The following BAZ2B variants were observed in gnomAD, a reference collection of about 807,000 sequenced individuals.
The protein encoded by BAZ2B is bromodomain adjacent to zinc finger domain 2B.
BAZ2B carries 91 observed loss-of-function variants against 246.0 expected under a neutral mutation model. The observed-to-expected ratio is 0.37, with a 90% CI of 0.31 to 0.44. The LOEUF (loss-of-function observed/expected upper bound fraction) is 0.44. Among genes scored for constraint, BAZ2B ranks in the 20% least tolerant of loss-of-function variants. The pLI, the probability that BAZ2B is intolerant of heterozygous loss-of-function variation, is 1.00. For synonymous variants in BAZ2B, 855 were observed against 860.0 expected (o/e 0.99, Z 0.10); for missense variants, 2,332 against 2,533.7 (o/e 0.92, Z 1.71).
chr2:159,400,858 G>A (rs1439146848), intron 16 of BAZ2B, among the ~76,000 whole-genome samples, 194 bp from the exon 17 acceptor site: 1 of 152,046 alleles, frequency 6.6e-6, no homozygotes, highest in Non-Finnish European at 1.5e-5. Flanking sequence ...GGCTAACACA[G>A]TGAAACCTCG....
chr2:159,553,013 A>C (rs1455928715), intron 2 of BAZ2B, among the ~76,000 whole-genome samples: 1 of 152,202 alleles, frequency 6.6e-6, no homozygotes, highest in Non-Finnish European at 1.5e-5. Flanking sequence ...CATGAATGTA[A>C]GTGTGGAGCC....
intron 3 of BAZ2B, among the ~76,000 whole-genome samples, chr2:159,467,799 G>A (rs2077267572): frequency 1.3e-5 from 2 of 152,172 alleles, no homozygotes; most frequent in South Asian, 4.1e-4. Context: ...GCAGAAGAAT[G>A]GCAGAGGAGA....
At chr2:159,552,445 C>T (rs56967120) in intron 2 of BAZ2B, among the ~76,000 whole-genome samples, 8,152 of 152,068 alleles carry the variant, frequency 0.054, 375 homozygotes, top group African/African-American at 0.12. Flanking sequence ...AATTCTATCA[C>T]GAAGAGGGAG....
the BAZ2B span, among the ~76,000 whole-genome samples, chr2:159,676,141 C>T: frequency 3.9e-5 from 6 of 152,134 alleles, no homozygotes; most frequent in Non-Finnish European, 7.3e-5. Context: ...GATCCACCTG[C>T]CTCGGCCTCC....
chr2:159,495,299 A>C lies in BAZ2B; in HGVS notation c.-2-16578T>G, dbSNP rs368917075. Among the ~76,000 whole-genome samples the C allele has an allele frequency of 6.0e-5, 9 of 150,444 alleles. No individual in the cohort carries two copies. The East Asian group carries it at 7.8e-4, about 13-fold the overall frequency. On this transcript the variant is annotated intron_variant, in intron 2 of 36. Coordinates refer to ENST00000392783, the MANE Select transcript of BAZ2B (RefSeq NM_013450.4). ...AGGAGATCGAGACCATCCCGGCTAA[A>C]ACGGTGAAACCCCGTCTCTACTAAA...
intron 3 of BAZ2B, chr2:159,462,370 C>G: frequency 2.6e-6 from 3 of 1,161,398 alleles, no homozygotes; most frequent in Non-Finnish European, 3.8e-6. Flanking sequence ...TTTCCACATA[C>G]TGAAGAATCC....
intron 2 of BAZ2B, among the ~76,000 whole-genome samples, chr2:159,552,825 C>T (rs186385276): frequency 4.1e-4 from 62 of 152,140 alleles, no homozygotes; most frequent in Non-Finnish European, 7.4e-4. Context: ...ATCAGTAACC[C>T]TGGAGTAATA....
chr2:159,498,189 G>A (rs2081352746), intron 2 of BAZ2B, among the ~76,000 whole-genome samples: 1 of 152,160 alleles, frequency 6.6e-6, no homozygotes. Flanking sequence ...TACACTTCCT[G>A]CCAGGTATTT....
At chr2:159,352,265 C>A (rs539529155) in intron 27 of BAZ2B, among the ~76,000 whole-genome samples, 3 of 152,172 alleles carry the variant, frequency 2.0e-5, no homozygotes, top group South Asian at 4.2e-4. Context: ...GCTCCTTATC[C>A]TTCATGTCTC....
chr2:159,343,665 T>C (rs1315434441), intron 31 of BAZ2B, among the ~76,000 whole-genome samples: 4 of 151,502 alleles, frequency 2.6e-5, no homozygotes, highest in African/African-American at 7.3e-5. Flanking sequence ...TCACCACTCA[T>C]CAGAGAAATG....
intron 1 of BAZ2B, among the ~76,000 whole-genome samples, chr2:159,565,450 T>C (rs1304985618): frequency 6.6e-6 from 1 of 151,868 alleles, no homozygotes; most frequent in African/African-American, 2.4e-5. Flanking sequence ...ATGGCAAAAA[T>C]TGCAGAAGCA....
At chr2:159,386,655 T>A in intron 21 of BAZ2B, 48 bp from the exon 22 acceptor site, 1 of 1,501,006 alleles carries the variant, frequency 6.7e-7, no homozygotes, top group Non-Finnish European at 8.9e-7. Flanking sequence ...CTTAATTTTT[T>A]AAAAGCCATG....
intron 31 of BAZ2B, among the ~76,000 whole-genome samples, chr2:159,342,236 C>T (rs753332349): frequency 6.6e-6 from 1 of 152,102 alleles, no homozygotes; most frequent in Non-Finnish European, 1.5e-5. Flanking sequence ...ATTAAAATGG[C>T]CATACTGCCC....
the BAZ2B span, among the ~76,000 whole-genome samples, chr2:159,625,188 C>A: frequency 6.6e-6 from 1 of 152,016 alleles, no homozygotes; most frequent in South Asian, 2.1e-4. Context: ...TGTGAAAAGA[C>A]CAAACCTACA....
At chr2:159,491,737 AAAAAAAAAAG>A (rs2080520979) in intron 2 of BAZ2B, among the ~76,000 whole-genome samples, 1 of 146,486 alleles carries the variant, frequency 6.8e-6, no homozygotes, top group African/African-American at 2.5e-5. Context: ...AAAAAAAAAA[AAAAAAAAAAG>A]TCTTCTGTTA....
chr2:159,417,995 G>A (rs1265139619), intron 13 of BAZ2B, among the ~76,000 whole-genome samples: 1 of 152,216 alleles, frequency 6.6e-6, no homozygotes, highest in East Asian at 1.9e-4. Flanking sequence ...TTTTGGGAGA[G>A]AGAACTGGCT....
At chr2:159,492,928 C>A (rs979273495) in intron 2 of BAZ2B, among the ~76,000 whole-genome samples, 4 of 152,260 alleles carry the variant, frequency 2.6e-5, no homozygotes, top group Middle Eastern at 6.8e-3. Context: ...GTGCCAACAA[C>A]CTCTGTTTTT....
intron 16 of BAZ2B, among the ~76,000 whole-genome samples, chr2:159,401,971 T>C (rs951693509): frequency 6.6e-6 from 1 of 152,230 alleles, no homozygotes; most frequent in Non-Finnish European, 1.5e-5. Flanking sequence ...ATTGAAGCTA[T>C]ACATTAATAT....
At chr2:159,416,632 T>A (rs1244208711) in intron 13 of BAZ2B, among the ~76,000 whole-genome samples, 1 of 152,220 alleles carries the variant, frequency 6.6e-6, no homozygotes, top group East Asian at 1.9e-4. Flanking sequence ...ATCCAATTTT[T>A]ACATAGTTAC....
Sources: gnomAD v4.1 joint callset for allele counts (sites outside exome capture counted in the v4.1 genomes callset) on GRCh38, gnomAD v4.1.1 for gene constraint, MANE v1.5 for transcripts, NCBI Gene and HGNC (gene_info 2026-07-23, HGNC 2026-07-21) for gene names.